Variants in PDE1C observed in about 807,000 individuals in gnomAD.
The protein encoded by PDE1C is dual specificity calcium/calmodulin-dependent 3',5'-cyclic nucleotide phosphodiesterase 1C.
Under a neutral mutation model 93.1 loss-of-function variants are expected in PDE1C, and 62 were observed. The ratio of observed to expected loss-of-function variants is 0.67; its 90% confidence interval spans 0.54 to 0.82. The LOEUF (loss-of-function observed/expected upper bound fraction) is 0.82, where lower values mean the gene tolerates loss of function less well. PDE1C is among the 40% of genes least tolerant of loss of function. PDE1C has a pLI of 0.00. For synonymous variants in PDE1C, 325 were observed against 310.1 expected, an observed-to-expected ratio of 1.05 and a Z score of -0.50; for missense variants, 742 against 884.6, an observed-to-expected ratio of 0.84 and a Z score of 2.04.
At chr7:31,645,857 G>A in the PDE1C span, among the ~76,000 whole-genome samples, 18 of 152,024 alleles carry the variant, frequency 1.2e-4, 1 homozygote, top group Admixed American at 9.2e-4. Context: ...GAATTCTTTG[G>A]CCCAAAATGT....
intron 1 of PDE1C, among the ~76,000 whole-genome samples, chr7:32,305,855 C>A (rs1812986856): frequency 6.6e-6 from 1 of 152,204 alleles, no homozygotes; most frequent in Admixed American, 6.5e-5. Context: ...GTGAGCAGGG[C>A]CTGGGCTGAA....
At chr7:32,262,459 C>G (rs1005635315) in intron 1 of PDE1C, among the ~76,000 whole-genome samples, 1 of 152,154 alleles carries the variant, frequency 6.6e-6, no homozygotes. Context: ...GGAGCACTGC[C>G]GTGCAGCCTG....
chr7:31,936,433 GA>G (rs34551942), intron 2 of PDE1C, among the ~76,000 whole-genome samples: 21,542 of 128,512 alleles, frequency 0.17, 1,922 homozygotes, highest in East Asian at 0.27. Context: ...CCAGGGAGAA[GA>G]AAAAAAAAAA....
intron 2 of PDE1C, among the ~76,000 whole-genome samples, chr7:31,957,115 T>C (rs747940320): frequency 8.6e-5 from 13 of 151,150 alleles, no homozygotes; most frequent in Middle Eastern, 6.8e-3. Context: ...AAAACCACTG[T>C]GGTATTCAAA....
chr7:31,773,080 G>A (rs548600320), intron 17 of PDE1C, among the ~76,000 whole-genome samples: 2 of 152,352 alleles, frequency 1.3e-5, no homozygotes, highest in East Asian at 3.9e-4. Flanking sequence ...AGGATGTGAA[G>A]CACAGCTGCC....
At chr7:32,101,102 T>C (rs572244878) in intron 3 of PDE1C, among the ~76,000 whole-genome samples, 1 of 152,328 alleles carries the variant, frequency 6.6e-6, no homozygotes, top group African/African-American at 2.4e-5. Context: ...CAATATAAGT[T>C]GTTCTTTTCC....
chr7:32,201,500 G>T (rs564095472), intron 2 of PDE1C, among the ~76,000 whole-genome samples: 5 of 152,188 alleles, frequency 3.3e-5, no homozygotes, highest in Non-Finnish European at 2.9e-5. Flanking sequence ...AGCAGAAACT[G>T]GTCTGCATTT....
At chr7:31,683,986 G>A in the PDE1C span, among the ~76,000 whole-genome samples, 20 of 152,222 alleles carry the variant, frequency 1.3e-4, no homozygotes, top group Non-Finnish European at 2.2e-4. Flanking sequence ...TGGACACAAC[G>A]GCTCCTTGCA....
chr7:32,144,238 C>A (rs1286735104), intron 3 of PDE1C, among the ~76,000 whole-genome samples: 1 of 152,242 alleles, frequency 6.6e-6, no homozygotes, highest in East Asian at 1.9e-4. Context: ...CAAATGAAGC[C>A]ACCAAGACTT....
chr7:32,162,464 A>C (rs1357043963), intron 3 of PDE1C, among the ~76,000 whole-genome samples: 2 of 152,214 alleles, frequency 1.3e-5, no homozygotes, highest in Non-Finnish European at 2.9e-5. Context: ...CTGTAAAAAC[A>C]AATGAGTAAA....
chr7:32,045,451 A>G (rs1256935893), intron 2 of PDE1C, among the ~76,000 whole-genome samples: 1 of 152,138 alleles, frequency 6.6e-6, no homozygotes, highest in African/African-American at 2.4e-5. Flanking sequence ...AGTCATCACA[A>G]ATGTAGGAAA....
chr7:32,159,531 T>C lies in PDE1C; in HGVS notation c.308+10254A>G, dbSNP rs184824978. Among the ~76,000 whole-genome samples the C allele has an allele frequency of 8.3e-4, 126 of 152,282 alleles. 1 individual carries two copies. Among genetic ancestry groups the C allele is most frequent in the African/African-American group, 2.9e-3 (121 of 41,556 alleles). On this transcript the variant is annotated intron_variant, in intron 3 of 18. Coordinates refer to the PDE1C transcript ENST00000396193. ...ATGGAAAGTTGTAAGGGGTGACATA[T>C]GGTGTTTTTGAGATATTTCCCAGTG...
At chr7:32,072,576 C>T (rs936193770), upstream of PDE1C, among the ~76,000 whole-genome samples, 1 of 152,156 alleles carries the variant, frequency 6.6e-6, no homozygotes, top group African/African-American at 2.4e-5. Context: ...AGTGTGTGCA[C>T]CTTGGGCAGC....
chr7:31,634,138 C>T, the PDE1C span, among the ~76,000 whole-genome samples: 1 of 152,300 alleles, frequency 6.6e-6, no homozygotes, highest in South Asian at 2.1e-4. Context: ...CCTGAGGCGT[C>T]TGTCTCCTCC....
intron 3 of PDE1C, among the ~76,000 whole-genome samples, chr7:32,168,322 C>T (rs946284130): frequency 2.0e-5 from 3 of 152,188 alleles, no homozygotes; most frequent in African/African-American, 7.2e-5. Context: ...TATTAAAGCT[C>T]ATGAGCTCTC....
At chr7:31,915,529 T>C (rs959447628) in intron 2 of PDE1C, among the ~76,000 whole-genome samples, 2 of 152,220 alleles carry the variant, frequency 1.3e-5, no homozygotes, top group African/African-American at 2.4e-5. Flanking sequence ...TCTGTATTAA[T>C]GATATATGCA....
At chr7:31,736,277 G>A in the PDE1C span, among the ~76,000 whole-genome samples, 2 of 152,304 alleles carry the variant, frequency 1.3e-5, no homozygotes, top group Non-Finnish European at 2.9e-5. Context: ...AATGAGGCCT[G>A]TAGACAGAGA....
At chr7:31,956,489 G>GTT (rs112415515) in intron 2 of PDE1C, among the ~76,000 whole-genome samples, 1 of 142,362 alleles carries the variant, frequency 7.0e-6, no homozygotes, top group South Asian at 2.3e-4. Context: ...TGTTCGTTTT[G>GTT]TTTTTTTTTT....
chr7:32,070,469 C>T, upstream of PDE1C: 2 of 1,578,208 alleles, frequency 1.3e-6, no homozygotes, highest in Admixed American at 1.8e-5. Context: ...TCGCCCAGCT[C>T]GCGATGCCCA....
Sources: gnomAD v4.1 joint callset for allele counts (sites outside exome capture counted in the v4.1 genomes callset) on GRCh38, gnomAD v4.1.1 for gene constraint, MANE v1.5 for transcripts, NCBI Gene and HGNC (gene_info 2026-07-23, HGNC 2026-07-21) for gene names.